FSTL5: variants seen among roughly 807,000 people sequenced by gnomAD.
FSTL5 encodes follistatin like 5, also known as follistatin-related protein 5.
Under a neutral mutation model 89.1 loss-of-function variants are expected in FSTL5, and 62 were observed. The observed-to-expected ratio is 0.70, with a 90% CI of 0.57 to 0.86. FSTL5 has a LOEUF of 0.86. FSTL5 is among the 40% of genes least tolerant of loss of function. The pLI is 0.00. For synonymous variants in FSTL5, 383 were observed against 346.2 expected, an observed-to-expected ratio of 1.11 and a Z score of -1.18; for missense variants, 1,057 against 1,001.6, an observed-to-expected ratio of 1.06 and a Z score of -0.75.
rs541294585 is a variant in FSTL5 at position 162,052,427 on chromosome 4, C to T, written c.127-18769G>A. 1.6e-3 allele frequency among the ~76,000 whole-genome samples: 244 copies of T among 151,776 alleles called. 1 individual carries two copies. Among genetic ancestry groups the T allele is most frequent in the African/African-American group, 5.3e-3 (221 of 41,500 alleles). On this transcript the variant is annotated intron_variant, in intron 2 of 15. Transcript: ENST00000306100. ...CAGAAAGTCAGAAAATAAATGGTTT[C>T]TATATTATAATACTTTTCAAGAAAA...
intron 3 of FSTL5, among the ~76,000 whole-genome samples, chr4:162,000,401 G>A (rs1438417391): frequency 6.6e-6 from 1 of 151,842 alleles, no homozygotes; most frequent in Non-Finnish European, 1.5e-5. Flanking sequence ...GACCAGTCTG[G>A]CCAACATGAT....
intron 2 of FSTL5, among the ~76,000 whole-genome samples, chr4:162,065,402 T>C (rs1408917921): frequency 6.6e-6 from 1 of 151,870 alleles, no homozygotes; most frequent in Admixed American, 6.6e-5. Context: ...ATGACCTGAA[T>C]AGACATGTTT....
chr4:161,408,996 T>C (rs1204433349), intron 15 of FSTL5, among the ~76,000 whole-genome samples: 1 of 152,176 alleles, frequency 6.6e-6, no homozygotes, highest in East Asian at 1.9e-4. Flanking sequence ...TTTGAGGATA[T>C]AGTTCATGAA....
chr4:161,403,820 C>A (rs1252123738), intron 15 of FSTL5, among the ~76,000 whole-genome samples: 1 of 152,136 alleles, frequency 6.6e-6, no homozygotes, highest in Non-Finnish European at 1.5e-5. Context: ...TCTATCTGGG[C>A]ACACAAATGG....
At chr4:161,764,503 C>G (rs545164085) in intron 5 of FSTL5, among the ~76,000 whole-genome samples, 32 of 152,276 alleles carry the variant, frequency 2.1e-4, no homozygotes, top group African/African-American at 7.5e-4. Flanking sequence ...AGGTTGTCCA[C>G]CTGCCTCAGC....
intron 5 of FSTL5, 96 bp downstream of exon 5, chr4:161,775,782 A>G (rs950155957): frequency 3.2e-6 from 2 of 621,384 alleles, no homozygotes; most frequent in Non-Finnish European, 5.2e-6. Context: ...TATGGATCAA[A>G]TATACATTTT....
At chr4:161,490,137 A>C (rs765168270) in intron 12 of FSTL5, among the ~76,000 whole-genome samples, 3 of 152,154 alleles carry the variant, frequency 2.0e-5, no homozygotes, top group Non-Finnish European at 4.4e-5. Flanking sequence ...CTGAATTTCT[A>C]ATATTATTGT....
intron 7 of FSTL5, among the ~76,000 whole-genome samples, chr4:161,606,240 A>ATTTTTTTTTTTTTTTTTTTTTTTT (rs71598720): frequency 8.5e-6 from 1 of 117,868 alleles, no homozygotes. Flanking sequence ...ATTATCTGTG[A>ATTTTTTTTTTTTTTTTTTTTTTTT]TTTTTTTTTT....
intron 8 of FSTL5, among the ~76,000 whole-genome samples, chr4:161,566,123 TATATATATATATAC>T (rs762635971): frequency 0.16 from 14,812 of 94,804 alleles, 1,056 homozygotes; most frequent in East Asian, 0.35. Context: ...TATATATATA[TATATATATATATAC>T]ACACACACAC....
chr4:161,450,741 A>ATTTTT (rs70937651), intron 15 of FSTL5, among the ~76,000 whole-genome samples: 3 of 131,578 alleles, frequency 2.3e-5, no homozygotes, highest in African/African-American at 2.9e-5. Context: ...ATTCATCTTC[A>ATTTTT]TTTTTTTTTT....
chr4:162,020,370 T>C lies in FSTL5; in HGVS notation c.160+13255A>G, dbSNP rs115990603. On this transcript the variant is annotated intron_variant, in intron 3 of 15. Transcript: ENST00000306100. Reference sequence around the variant, plus strand: ...AGGTTTAATGCTACAAATGATATCCTCTAATAGTTATTTAAGGAGTCCCTC... The same window carrying C: ...AGGTTTAATGCTACAAATGATATCCCCTAATAGTTATTTAAGGAGTCCCTC... Among the ~76,000 whole-genome samples the C allele has an allele frequency of 9.4e-3, 1,426 of 152,234 alleles. 27 individuals are homozygous for C. The highest frequency in any genetic ancestry group is 0.032 in the African/African-American group (1,333 of 41,572).
intron 7 of FSTL5, among the ~76,000 whole-genome samples, chr4:161,588,129 G>A (rs1160106894): frequency 6.6e-6 from 1 of 152,056 alleles, no homozygotes; most frequent in Non-Finnish European, 1.5e-5. Flanking sequence ...ACTTGAGAAC[G>A]TGCCACTGCA....
chr4:162,074,170 C>T (rs1729740956), intron 2 of FSTL5, among the ~76,000 whole-genome samples: 2 of 151,724 alleles, frequency 1.3e-5, no homozygotes, highest in Non-Finnish European at 2.9e-5. Flanking sequence ...GTATTTTGCT[C>T]ACCACTTAGT....
chr4:162,138,066 T>G (rs1211880307), intron 1 of FSTL5, among the ~76,000 whole-genome samples: 1 of 152,004 alleles, frequency 6.6e-6, no homozygotes, highest in African/African-American at 2.4e-5. Flanking sequence ...GCTTTAAAAA[T>G]TTTGCTTAAG....
intron 15 of FSTL5, among the ~76,000 whole-genome samples, chr4:161,390,676 C>T (rs1418969328): frequency 6.6e-6 from 1 of 152,060 alleles, no homozygotes; most frequent in Non-Finnish European, 1.5e-5. Flanking sequence ...AAGCAATTCC[C>T]TGTGTCAACT....
In FSTL5 at chr4:161,606,393, G is replaced by A. The variant is rs1021316853; in HGVS notation, c.895-18818C>T. 2.4e-4 allele frequency among the ~76,000 whole-genome samples: 37 copies of A among 151,806 alleles called. 1 individual carries two copies. Among genetic ancestry groups the A allele is most frequent in the African/African-American group, 6.0e-4 (25 of 41,420 alleles). ...CTCCTGAGTAGCTGGGACTACAGGC[G>A]TAATTTTTTTTGTATTTTAATAGAG... On this transcript the variant is annotated intron_variant, in intron 7 of 15. Transcript: ENST00000306100.
At chr4:161,577,376 C>T (rs1560962163) in intron 8 of FSTL5, among the ~76,000 whole-genome samples, 2 of 148,614 alleles carry the variant, frequency 1.3e-5, no homozygotes, top group Non-Finnish European at 3.0e-5. Context: ...AAGCCATTTG[C>T]CATAAATAAA....
chr4:161,481,146 C>A lies in FSTL5; in HGVS notation c.1482G>T (p.Glu494Asp). The change falls in exon 13 of 16, where the codon GAG (glutamate) becomes GAT (aspartate). Residue 494 changes from glutamate to aspartate, a missense_variant. Transcript: ENST00000306100. ...ACACACACCTCTGAACTTCATCTCC[C>A]TCAGCTTTGGGACAGACTTCATCCT... is the stretch of plus-strand genomic sequence containing the variant. ...GFQDEVCPKA[E>D]GDEVQRCVWA... The A allele has an allele frequency of 6.2e-7, 1 of 1,611,158 alleles. No individual in the cohort carries two copies. Among genetic ancestry groups the A allele is most frequent in the Non-Finnish European group, 8.5e-7 (1 of 1,178,392 alleles).
At chr4:161,812,584 A>G (rs995305486) in intron 4 of FSTL5, among the ~76,000 whole-genome samples, 2 of 152,186 alleles carry the variant, frequency 1.3e-5, no homozygotes, top group African/African-American at 2.4e-5. Flanking sequence ...GACTAAAAAA[A>G]TAGTATTTTG....
Sources: gnomAD v4.1 joint callset for allele counts (sites outside exome capture counted in the v4.1 genomes callset) on GRCh38, gnomAD v4.1.1 for gene constraint, MANE v1.5 for transcripts, NCBI Gene and HGNC (gene_info 2026-07-23, HGNC 2026-07-21) for gene names.